The following CFAP46 variants were observed in gnomAD, a reference collection of about 807,000 sequenced individuals.
CFAP46 encodes cilia and flagella associated protein 46.
CFAP46 carries 245 observed loss-of-function variants against 325.7 expected under a neutral mutation model. The ratio of observed to expected loss-of-function variants is 0.75; its 90% CI spans 0.68 to 0.84. CFAP46 has a LOEUF of 0.84. Ranked by LOEUF, CFAP46 falls within the 40% of genes least tolerant of loss-of-function variation. The pLI, the probability that CFAP46 is intolerant of heterozygous loss-of-function variation, is 0.00. For synonymous variants in CFAP46, 1,523 were observed against 1,495.9 expected (o/e 1.02, Z -0.42); for missense variants, 3,346 against 3,543.0 (o/e 0.94, Z 1.41).
chr10:132,885,501 G>T (rs1196380957), intron 26 of CFAP46, among the ~76,000 whole-genome samples: 1 of 152,048 alleles, frequency 6.6e-6, no homozygotes, highest in Non-Finnish European at 1.5e-5. Flanking sequence ...CTCTCCCTGT[G>T]TTGAATTCTC....
chr10:132,892,443 G>A (rs905177456), intron 24 of CFAP46, 26 bp from the exon 25 acceptor site: 22 of 1,546,608 alleles, frequency 1.4e-5, no homozygotes, highest in African/African-American at 6.9e-5. Context: ...TAAACGACAC[G>A]TATATTTGAA....
chr10:132,824,129 CTGTG>C (rs1847972106), intron 50 of CFAP46, among the ~76,000 whole-genome samples: 3 of 115,334 alleles, frequency 2.6e-5, no homozygotes, highest in East Asian at 2.9e-4. Flanking sequence ...CTGATGTGTG[CTGTG>C]TGTGTGCTGA....
rs751292135 is a variant in CFAP46, at chr10:132,814,119, C to T, written c.7388+33G>A. ...CCGCTGGACCCCCAGACCTGCCACA[C>T]TGCAAACGGCTCCTGGGAGCCCAGA... On this transcript the variant is annotated intron_variant, in intron 54 of 57. Transcript: ENST00000368586. The T allele has an allele frequency of 3.2e-6, 5 of 1,586,704 alleles. No individual in the cohort carries two copies. In the East Asian group the frequency reaches 6.7e-5, roughly 21 times the overall value.
chr10:132,909,011 G>A (rs1434264441), intron 21 of CFAP46, 126 bp downstream of exon 21: 2 of 670,650 alleles, frequency 3.0e-6, no homozygotes, highest in East Asian at 2.7e-5. Context: ...TTGGGAGGTG[G>A]GGGAGAGCGG....
At chr10:132,911,867 C>T (rs1456293843) in intron 19 of CFAP46, among the ~76,000 whole-genome samples, 1 of 152,120 alleles carries the variant, frequency 6.6e-6, no homozygotes, top group Non-Finnish European at 1.5e-5. Context: ...AGGCCTGGAG[C>T]CCGCCCTGAG....
At chr10:132,818,035 C>T (rs988055765) in intron 50 of CFAP46, among the ~76,000 whole-genome samples, 1 of 152,198 alleles carries the variant, frequency 6.6e-6, no homozygotes, top group Non-Finnish European at 1.5e-5. Flanking sequence ...TCCCCAGGAT[C>T]GTCTCAAGTC....
Position 132,920,160 on chromosome 10 carries a change from GCCCCTGTTCTTC to G in CFAP46, c.1617_1628del (p.Lys540_Gly543del), listed in dbSNP as rs1227085308. The G allele has an allele frequency of 6.5e-7, 1 of 1,545,166 alleles. No homozygotes were observed. Among genetic ancestry groups the G allele is most frequent in the Non-Finnish European group, 8.7e-7 (1 of 1,145,080 alleles). ...CCTTCGCACAGAGGTAGGTGAACCG[GCCCCTGTTCTTC>G]CCGGTGGAGACTGAGGGCGGAAATG... is the stretch of plus-strand genomic sequence containing the variant. On this transcript the variant is annotated inframe_deletion, in exon 14 of 58. Transcript: ENST00000368586.
intron 25 of CFAP46, among the ~76,000 whole-genome samples, chr10:132,887,941 CA>C (rs1849187226): frequency 1.2e-5 from 1 of 81,130 alleles, no homozygotes; most frequent in South Asian, 4.4e-4. Flanking sequence ...TCTCCTCTTT[CA>C]CCTCTCTCTC....
Position 132,882,563 on chromosome 10 carries a change from C to T in CFAP46, c.3628-1531G>A, listed in dbSNP as rs534489676. On this transcript the variant is annotated intron_variant, in intron 27 of 57. Transcript: ENST00000368586. Reference sequence around the variant, plus strand: ...TTTGGGTAAGATGCTGGCCCCAGGGCGGGGCCAGGCAGGCAGCAGGATTCA... The same window carrying T: ...TTTGGGTAAGATGCTGGCCCCAGGGTGGGGCCAGGCAGGCAGCAGGATTCA... 3.5e-4 allele frequency among the ~76,000 whole-genome samples: 53 copies of T among 151,590 alleles called. No individual in the cohort carries two copies. The South Asian group carries it at 8.2e-3, about 23-fold the overall frequency.
chr10:132,834,899 G>A, intron 47 of CFAP46, 124 bp from the exon 48 acceptor site: 1 of 1,355,240 alleles, frequency 7.4e-7, no homozygotes. Flanking sequence ...GGTGGACAAG[G>A]GCACCTGGCT....
At position 132,851,161 on chromosome 10, in the gene CFAP46, C is replaced by T. The variant is rs1201010870; in HGVS notation, c.5719G>A (p.Ala1907Thr). 1 of 1,614,092 alleles carries T rather than the reference C, an allele frequency of 6.2e-7. No individual in the cohort carries two copies. Among genetic ancestry groups the T allele is most frequent in the Non-Finnish European group, 8.5e-7 (1 of 1,180,032 alleles). The change falls in exon 40 of 58, where the codon GCG (alanine) becomes ACG (threonine). Residue 1907 changes from alanine (A) to threonine (T), a missense_variant. Coordinates refer to ENST00000368586, the MANE Select transcript of CFAP46 (RefSeq NM_001200049.3). The stretch of plus-strand genomic sequence containing the variant: ...TCACTGGTGTTCTGCAGATAGTCCG[C>T]CAGCAGCTTCTCCAGGGACCCCTGC... ...SEQGSLEKLL[A>T]DYLQNTSDYT... is the part of the protein sequence containing the mutation.
intron 27 of CFAP46, among the ~76,000 whole-genome samples, chr10:132,882,362 T>C (rs1849060473): frequency 6.6e-6 from 1 of 151,092 alleles, no homozygotes; most frequent in Non-Finnish European, 1.5e-5. Context: ...GTGGGATACG[T>C]GGGGTGTGTC....
At position 132,936,960 on chromosome 10, in the gene CFAP46, C is replaced by A; in HGVS notation, c.755+1G>T. On this transcript the variant is annotated splice_donor_variant, in intron 7 of 57. Transcript: ENST00000368586. LOFTEE classifies it high-confidence loss of function. ...TTGCTCTCCCTCCCAAAACGACTTA[C>A]GCCTTTAGCATATTAATATAGAAAG... The A allele has an allele frequency of 6.6e-7, 1 of 1,515,390 alleles. No individual in the cohort carries two copies. Among genetic ancestry groups the A allele is most frequent in the African/African-American group, 1.4e-5 (1 of 73,056 alleles). The allele number at this position is 1,515,390 out of a possible 1,614,324, so 93.9% of individuals were successfully genotyped here.
At chr10:132,925,758 T>C (rs188659995) in intron 10 of CFAP46, among the ~76,000 whole-genome samples, 2 of 152,218 alleles carry the variant, frequency 1.3e-5, no homozygotes, top group African/African-American at 4.8e-5. Context: ...GTGACACGTG[T>C]GCCAGGCAGT....
At position 132,859,186 on chromosome 10, in the gene CFAP46, A is replaced by AGCACT; in HGVS notation, c.5255_5259dup (p.Leu1755AlafsTer5). On this transcript the variant is annotated frameshift_variant, in exon 38 of 58. Transcript: ENST00000368586. LOFTEE classifies it high-confidence loss of function. Reference sequence around the variant, plus strand: ...TCATCCATCTCTTTCAGTAGCAACGAGCACTCTGTGGGTTCAGTGACCGCT... The same window carrying AGCACT: ...TCATCCATCTCTTTCAGTAGCAACGAGCACTGCACTCTGTGGGTTCAGTGACCGCT... 6.4e-7 allele frequency: 1 copy of AGCACT among 1,550,600 alleles called. No homozygotes were observed. The highest frequency in any genetic ancestry group is 8.7e-7 in the Non-Finnish European group (1 of 1,147,030).
intron 29 of CFAP46, among the ~76,000 whole-genome samples, chr10:132,878,514 G>A (rs1848990872): frequency 1.3e-5 from 2 of 152,372 alleles, no homozygotes; most frequent in African/African-American, 4.8e-5. Flanking sequence ...ACACCTGGGG[G>A]TCTGGGGCAG....
At chr10:132,923,180 G>A (rs1173253863) in intron 11 of CFAP46, among the ~76,000 whole-genome samples, 3 of 151,932 alleles carry the variant, frequency 2.0e-5, no homozygotes, top group Non-Finnish European at 4.4e-5. Flanking sequence ...GGGTACCCCG[G>A]AACCCCTGGC....
At position 132,846,280 on chromosome 10, in the gene CFAP46, C is replaced by A. The variant is rs373530938; in HGVS notation, c.6268-53G>T. ...GGGGCCCGAGGCCTGGGCGGGGAGG[C>A]CTTGCACCCTGCGGAGGGTGCGCAG... On this transcript the variant is annotated intron_variant, in intron 43 of 57. Coordinates refer to ENST00000368586, the MANE Select transcript of CFAP46 (RefSeq NM_001200049.3). 1,263 of 1,576,530 alleles carry A rather than the reference C, an allele frequency of 8.0e-4. 7 individuals are homozygous for A. In the African/African-American group the frequency reaches 0.013, roughly 16 times the overall value.
At chr10:132,823,316 CTGA>C (rs1479626882) in intron 50 of CFAP46, among the ~76,000 whole-genome samples, 13 of 72,346 alleles carry the variant, frequency 1.8e-4, no homozygotes, top group Non-Finnish European at 1.0e-4. Context: ...TGTGTGAGTG[CTGA>C]TGTGTGCGGT....
Sources: gnomAD v4.1 joint callset for allele counts (sites outside exome capture counted in the v4.1 genomes callset) on GRCh38, gnomAD v4.1.1 for gene constraint, MANE v1.5 for transcripts, NCBI Gene and HGNC (gene_info 2026-07-23, HGNC 2026-07-21) for gene names.